The following TASP1 variants were observed in gnomAD, a reference collection of about 807,000 sequenced individuals.
TASP1 encodes threonine aspartase 1.
In TASP1, 16 loss-of-function variants were observed where a neutral mutation model predicts 56.6. The ratio of observed to expected loss-of-function variants is 0.28; its 90% CI spans 0.19 to 0.43. The LOEUF is 0.43. Among genes scored for constraint, TASP1 ranks in the 20% least tolerant of loss-of-function variants. The pLI is 1.00. For missense variants in TASP1, 393 were observed against 511.6 expected (o/e 0.77, Z 2.24); for synonymous variants, 179 against 184.2 (o/e 0.97, Z 0.23).
chr20:13,526,732 T>C (rs2044995160), intron 10 of TASP1, among the ~76,000 whole-genome samples: 1 of 151,606 alleles, frequency 6.6e-6, no homozygotes, highest in South Asian at 2.1e-4. Flanking sequence ...AGAAGATGAG[T>C]CTGAAAGAAC....
the TASP1 span, chr20:13,154,110 C>T: frequency 6.2e-7 from 1 of 1,614,144 alleles, no homozygotes; most frequent in Non-Finnish European, 8.5e-7. Context: ...TGTTGTTCCT[C>T]TGCTTCTTTA....
chr20:13,393,672 TA>T, intron 13 of TASP1: 1 of 1,302,996 alleles, frequency 7.7e-7, no homozygotes, highest in Non-Finnish European at 1.1e-6. Context: ...CTCCAAGGAA[TA>T]AGACCCCTGG....
At chr20:13,293,787 A>C in the TASP1 span, among the ~76,000 whole-genome samples, 7 of 152,124 alleles carry the variant, frequency 4.6e-5, no homozygotes, top group Non-Finnish European at 8.8e-5. Context: ...CAGCCTGGCC[A>C]ACATGGGGAA....
At chr20:13,352,073 C>A in the TASP1 span, among the ~76,000 whole-genome samples, 16 of 152,278 alleles carry the variant, frequency 1.1e-4, no homozygotes, top group African/African-American at 3.4e-4. Flanking sequence ...CAGAGCTTAT[C>A]CAACTTGTGC....
At chr20:13,235,199 A>ATG in the TASP1 span, among the ~76,000 whole-genome samples, 1 of 152,334 alleles carries the variant, frequency 6.6e-6, no homozygotes, top group East Asian at 1.9e-4. Context: ...GATTGGGTCT[A>ATG]GGTTTACACT....
At chr20:13,548,320 A>G (rs907757014) in intron 8 of TASP1, among the ~76,000 whole-genome samples, 2 of 152,166 alleles carry the variant, frequency 1.3e-5, no homozygotes, top group African/African-American at 4.8e-5. Flanking sequence ...AGCTAGTGCA[A>G]TCATCCAGGA....
chr20:13,125,938 T>C, the TASP1 span, among the ~76,000 whole-genome samples: 1 of 152,228 alleles, frequency 6.6e-6, no homozygotes, highest in Non-Finnish European at 1.5e-5. Context: ...TACAGCTATT[T>C]TTGTAAACAC....
At chr20:13,243,443 T>G in the TASP1 span, among the ~76,000 whole-genome samples, 18 of 152,322 alleles carry the variant, frequency 1.2e-4, no homozygotes, top group African/African-American at 3.6e-4. Flanking sequence ...CACGTATTTT[T>G]GGTAGAAAGC....
the TASP1 span, among the ~76,000 whole-genome samples, chr20:13,308,899 T>C: frequency 1.3e-5 from 2 of 151,886 alleles, no homozygotes; most frequent in Non-Finnish European, 2.9e-5. Context: ...CTTTCCACCA[T>C]GTAAGCACAA....
intron 5 of TASP1, among the ~76,000 whole-genome samples, chr20:13,582,451 T>C (rs2047161573): frequency 6.6e-6 from 1 of 151,430 alleles, no homozygotes; most frequent in African/African-American, 2.4e-5. Context: ...CAATTCTCCA[T>C]CAAAACTTCA....
chr20:13,632,457 G>A (rs1329292261), intron 1 of TASP1, among the ~76,000 whole-genome samples: 2 of 151,810 alleles, frequency 1.3e-5, no homozygotes, highest in African/African-American at 4.8e-5. Context: ...TGATGTAACA[G>A]GCATCTTAAT....
intron 8 of TASP1, among the ~76,000 whole-genome samples, chr20:13,547,421 A>G (rs1269647233): frequency 6.6e-6 from 1 of 152,220 alleles, no homozygotes; most frequent in Non-Finnish European, 1.5e-5. Context: ...ATATGAACAA[A>G]AACTTGGATT....
chr20:13,439,337 T>C (rs886724525), intron 11 of TASP1, among the ~76,000 whole-genome samples: 1 of 152,148 alleles, frequency 6.6e-6, no homozygotes, highest in Non-Finnish European at 1.5e-5. Flanking sequence ...TAAAAAAGGA[T>C]GAGTTCATGT....
At chr20:13,399,897 C>A (rs1202701595) in intron 13 of TASP1, among the ~76,000 whole-genome samples, 1 of 152,200 alleles carries the variant, frequency 6.6e-6, no homozygotes, top group African/African-American at 2.4e-5. Flanking sequence ...GTCCCTCCAA[C>A]ACACCAGGCA....
At chr20:13,249,071 C>T in the TASP1 span, among the ~76,000 whole-genome samples, 2 of 152,238 alleles carry the variant, frequency 1.3e-5, no homozygotes, top group African/African-American at 4.8e-5. Context: ...CTGCAAAGAA[C>T]CTGTTGCCTT....
the TASP1 span, among the ~76,000 whole-genome samples, chr20:13,261,150 A>G: frequency 4.6e-5 from 7 of 152,218 alleles, no homozygotes; most frequent in Non-Finnish European, 1.0e-4. Context: ...ACAGTGGCTC[A>G]TGCCCGTAAT....
chr20:13,377,521 G>A, the TASP1 span, among the ~76,000 whole-genome samples: 1 of 152,164 alleles, frequency 6.6e-6, no homozygotes, highest in Non-Finnish European at 1.5e-5. Context: ...CAGGGATATT[G>A]GACTGAAATT....
the TASP1 span, among the ~76,000 whole-genome samples, chr20:13,372,290 C>T: frequency 6.7e-6 from 1 of 149,056 alleles, no homozygotes; most frequent in Non-Finnish European, 1.5e-5. Flanking sequence ...AAAGACTGGC[C>T]TCCCTAAGCA....
At chr20:13,316,139 A>G in the TASP1 span, among the ~76,000 whole-genome samples, 1 of 151,966 alleles carries the variant, frequency 6.6e-6, no homozygotes, top group African/African-American at 2.4e-5. Flanking sequence ...GGACATTAAA[A>G]GGATAATAAA....
Sources: allele counts gnomAD v4.1 joint callset (sites outside exome capture counted in the v4.1 genomes callset), GRCh38; gene constraint gnomAD v4.1.1; transcripts MANE v1.5; gene names NCBI Gene and HGNC (gene_info 2026-07-23, HGNC 2026-07-21).